Variants in CDH1 observed in about 807,000 individuals in gnomAD.
CDH1 encodes the protein cadherin-1.
Under a neutral mutation model 84.5 loss-of-function variants are expected in CDH1, and 35 were observed. That is an observed-to-expected ratio of 0.41 (90% confidence interval 0.32 to 0.55). The LOEUF (loss-of-function observed/expected upper bound fraction) is 0.55, where lower values mean the gene tolerates loss of function less well. CDH1 is among the 20% of genes least tolerant of loss of function. The probability of loss-of-function intolerance (pLI) is 0.19; values close to 1 mark genes in which losing one functional copy is unlikely to be tolerated. For synonymous variants in CDH1, 417 were observed against 439.0 expected, an observed-to-expected ratio of 0.95 and a Z score of 0.63; for missense variants, 994 against 1,126.6, an observed-to-expected ratio of 0.88 and a Z score of 1.68.
chr16:68,761,177 G>A (rs544949358), intron 2 of CDH1, among the ~76,000 whole-genome samples: 2 of 152,340 alleles, frequency 1.3e-5, no homozygotes, highest in African/African-American at 4.8e-5. Context: ...GTTGGGTGAG[G>A]CCCTTTTGGC....
chr16:68,793,704 C>T (rs1960273451), intron 2 of CDH1, among the ~76,000 whole-genome samples: 1 of 152,162 alleles, frequency 6.6e-6, no homozygotes, highest in Non-Finnish European at 1.5e-5. Context: ...CCAGCCTGAC[C>T]AAGAGGTGAA....
At chr16:68,769,853 T>C (rs1959504887) in intron 2 of CDH1, among the ~76,000 whole-genome samples, 2 of 152,090 alleles carry the variant, frequency 1.3e-5, no homozygotes, top group East Asian at 1.9e-4. Flanking sequence ...AATTTTTTTG[T>C]ATTCTTAGTA....
intron 2 of CDH1, among the ~76,000 whole-genome samples, chr16:68,789,776 G>A (rs552198327): frequency 6.6e-6 from 1 of 152,180 alleles, no homozygotes; most frequent in East Asian, 1.9e-4. Context: ...AGTGCCCCAG[G>A]AGGCTGGGCC....
At chr16:68,800,129 C>T (rs1404406679) in intron 2 of CDH1, among the ~76,000 whole-genome samples, 2 of 151,284 alleles carry the variant, frequency 1.3e-5, no homozygotes, top group East Asian at 3.9e-4. Flanking sequence ...TGGTTGAGTC[C>T]AGGAGTTCAA....
At chr16:68,757,595 C>T (rs1963046179) in intron 2 of CDH1, among the ~76,000 whole-genome samples, 1 of 152,146 alleles carries the variant, frequency 6.6e-6, no homozygotes, top group Non-Finnish European at 1.5e-5. Context: ...GACTCTTCAG[C>T]ATTTATTTCT....
At chr16:68,802,919 T>C (rs1960554309) in intron 3 of CDH1, among the ~76,000 whole-genome samples, 1 of 152,152 alleles carries the variant, frequency 6.6e-6, no homozygotes, top group South Asian at 2.1e-4. Flanking sequence ...GTGCCTGGCC[T>C]TAGGTCTGGC....
rs907333237 is a variant in CDH1 at position 68,835,526 on chromosome 16, A to T, written c.*2027A>T. Reference sequence around the variant, plus strand: ...TGCATTTTTATAAATTTTATTAAACAATTTTGTTAAACCATTGTCAAATTT... The same window carrying T: ...TGCATTTTTATAAATTTTATTAAACTATTTTGTTAAACCATTGTCAAATTT... On this transcript the variant is annotated 3_prime_UTR_variant, in exon 16 of 16. Coordinates refer to ENST00000261769, the MANE Select transcript of CDH1 (RefSeq NM_004360.5). The T allele has an allele frequency of 5.2e-6, 1 of 191,960 alleles. No homozygotes were observed. The highest frequency in any genetic ancestry group is 1.1e-5 in the Non-Finnish European group (1 of 91,480). The allele number at this position is 191,960 out of a possible 1,614,324, so 11.9% of individuals were successfully genotyped here.
At chr16:68,819,863 A>C (rs566140212) in intron 11 of CDH1, among the ~76,000 whole-genome samples, 1 of 152,252 alleles carries the variant, frequency 6.6e-6, no homozygotes, top group African/African-American at 2.4e-5. Flanking sequence ...TTGCTGCAAA[A>C]GATTTCTCTT....
intron 2 of CDH1, among the ~76,000 whole-genome samples, chr16:68,798,908 C>G (rs1960428605): frequency 6.6e-6 from 1 of 152,212 alleles, no homozygotes; most frequent in African/African-American, 2.4e-5. Context: ...CTTTCATCAT[C>G]TTATGGCTCA....
At chr16:68,786,842 G>A (rs1000986825) in intron 2 of CDH1, among the ~76,000 whole-genome samples, 13 of 152,170 alleles carry the variant, frequency 8.5e-5, no homozygotes, top group Admixed American at 7.9e-4. Flanking sequence ...TGTGGGAAAT[G>A]CCTCACTTCG....
At chr16:68,774,499 G>A (rs1223527424) in intron 2 of CDH1, among the ~76,000 whole-genome samples, 1 of 152,116 alleles carries the variant, frequency 6.6e-6, no homozygotes. Flanking sequence ...CAGCCTGGGC[G>A]ACACAGCAAG....
intron 2 of CDH1, among the ~76,000 whole-genome samples, chr16:68,749,853 G>A (rs1417676657): frequency 6.6e-6 from 1 of 152,184 alleles, no homozygotes; most frequent in African/African-American, 2.4e-5. Flanking sequence ...TAAAGGAAAC[G>A]CCAAACTCAG....
chr16:68,769,073 C>T (rs1281511642), intron 2 of CDH1, among the ~76,000 whole-genome samples: 1 of 152,140 alleles, frequency 6.6e-6, no homozygotes, highest in Admixed American at 6.5e-5. Context: ...GCACTGATTA[C>T]TATTCAATTT....
At chr16:68,762,334 T>A (rs1959239816) in intron 2 of CDH1, among the ~76,000 whole-genome samples, 1 of 152,170 alleles carries the variant, frequency 6.6e-6, no homozygotes, top group Non-Finnish European at 1.5e-5. Flanking sequence ...TCCCCTGGGT[T>A]CCTTTATGCT....
chr16:68,781,663 A>G (rs9929498), intron 2 of CDH1, among the ~76,000 whole-genome samples: 134,384 of 151,970 alleles, frequency 0.88, 59,590 homozygotes, highest in African/African-American at 0.91. Context: ...CTTTATTGAC[A>G]GGGTCTCACT....
chr16:68,744,211 A>C (rs1962665969), intron 2 of CDH1, among the ~76,000 whole-genome samples: 1 of 152,206 alleles, frequency 6.6e-6, no homozygotes, highest in Non-Finnish European at 1.5e-5. Context: ...TGGGCGGGGA[A>C]GAATTTGGTG....
chr16:68,747,328 G>T (rs1369737887), intron 2 of CDH1, among the ~76,000 whole-genome samples: 4 of 152,108 alleles, frequency 2.6e-5, no homozygotes, highest in Non-Finnish European at 5.9e-5. Context: ...GGGAGGAGAG[G>T]GTCCCAGGAT....
chr16:68,768,019 G>A (rs1423006528), intron 2 of CDH1, among the ~76,000 whole-genome samples: 6 of 151,776 alleles, frequency 4.0e-5, no homozygotes, highest in East Asian at 1.9e-4. Context: ...GCAATGGCAC[G>A]CTTTTGGCTC....
chr16:68,737,566 C>A, intron 1 of CDH1, 103 bp downstream of exon 1: 2 of 1,062,624 alleles, frequency 1.9e-6, no homozygotes, highest in Non-Finnish European at 2.8e-6. Flanking sequence ...TCCCTTCTTC[C>A]AAGAAAGTTC....
Sources: allele counts gnomAD v4.1 joint callset (sites outside exome capture counted in the v4.1 genomes callset), GRCh38; gene constraint gnomAD v4.1.1; transcripts MANE v1.5; gene names NCBI Gene and HGNC (gene_info 2026-07-23, HGNC 2026-07-21).